The following COL22A1 variants were observed in gnomAD, a reference collection of about 807,000 sequenced individuals.
COL22A1 encodes collagen type XXII alpha 1 chain.
COL22A1 carries 221 observed loss-of-function variants against 248.9 expected under a neutral mutation model. The observed-to-expected ratio is 0.89, with a 90% CI of 0.80 to 0.99. COL22A1 has a LOEUF of 0.99. Among genes scored for constraint, COL22A1 ranks in the 50% least tolerant of loss-of-function variants. The pLI is 0.00. For missense variants in COL22A1, 2,240 were observed against 2,179.0 expected (o/e 1.03, Z -0.56); for synonymous variants, 891 against 793.4 (o/e 1.12, Z -2.07).
intron 15 of COL22A1, chr8:138,778,073 T>C (rs1457551654): frequency 2.0e-6 from 1 of 510,312 alleles, no homozygotes; most frequent in Non-Finnish European, 3.5e-6. Context: ...AAAAATCCTG[T>C]GGTGCTGGTT....
chr8:138,631,668 C>A (rs550358443), intron 49 of COL22A1, among the ~76,000 whole-genome samples: 3 of 138,124 alleles, frequency 2.2e-5, no homozygotes, highest in Admixed American at 7.5e-5. Context: ...GTTTCTTCCC[C>A]CTACATTCTA....
chr8:138,808,192 G>T (rs145106421), intron 9 of COL22A1, among the ~76,000 whole-genome samples: 1 of 152,314 alleles, frequency 6.6e-6, no homozygotes, highest in Non-Finnish European at 1.5e-5. Flanking sequence ...CACACACGTT[G>T]TCAAAGACTA....
rs556097028 is a variant in COL22A1, at chr8:138,694,549, G to C, written c.2659C>G (p.Arg887Gly). The part of the protein sequence containing the change: ...GLPGEPGLQG[R>G]PGELGPQGPT... ...CCCTGAGGCCCCAATTCTCCAGGACGGCCCTGCAGTCCCTGTAAGCACACA... is the reference window on the plus strand; with the variant it reads ...CCCTGAGGCCCCAATTCTCCAGGACCGCCCTGCAGTCCCTGTAAGCACACA... The change falls in exon 34 of 65, where the codon CGT (arginine) becomes GGT (glycine). Residue 887 changes from arginine to glycine, a missense_variant. Transcript: ENST00000303045. 1.2e-6 allele frequency: 2 copies of C among 1,614,064 alleles called. No individual in the cohort carries two copies. The highest frequency in any genetic ancestry group is 1.7e-6 in the Non-Finnish European group (2 of 1,179,954).
chr8:138,850,057 C>A (rs148464285), intron 3 of COL22A1, among the ~76,000 whole-genome samples: 60 of 152,328 alleles, frequency 3.9e-4, no homozygotes, highest in Non-Finnish European at 7.6e-4. Flanking sequence ...TTGTTATTAA[C>A]CACATCTCAG....
At chr8:138,833,989 TCA>T (rs915730483) in intron 4 of COL22A1, among the ~76,000 whole-genome samples, 64 of 152,206 alleles carry the variant, frequency 4.2e-4, no homozygotes, top group African/African-American at 1.3e-3. Context: ...GGTGAGAAAT[TCA>T]CAGAGTGGGT....
chr8:138,669,699 C>T (rs757697275), intron 41 of COL22A1, among the ~76,000 whole-genome samples: 5 of 152,204 alleles, frequency 3.3e-5, no homozygotes, highest in Non-Finnish European at 7.4e-5. Flanking sequence ...ACTGGACTGC[C>T]GGGAAGACCA....
chr8:138,601,521 C>T (rs1818008699), intron 60 of COL22A1, among the ~76,000 whole-genome samples: 1 of 152,154 alleles, frequency 6.6e-6, no homozygotes, highest in South Asian at 2.1e-4. Context: ...TGTGGGCAAA[C>T]GAGACGCATA....
At chr8:138,811,633 G>C (rs961762069) in intron 9 of COL22A1, among the ~76,000 whole-genome samples, 166 bp downstream of exon 9, 6 of 152,230 alleles carry the variant, frequency 3.9e-5, no homozygotes, top group Non-Finnish European at 8.8e-5. Context: ...TCCCCTTCCA[G>C]TGTGCACAAG....
chr8:138,858,240 T>C (rs376815116), intron 3 of COL22A1, among the ~76,000 whole-genome samples: 1 of 152,192 alleles, frequency 6.6e-6, no homozygotes, highest in African/African-American at 2.4e-5. Context: ...GTATCTGCTC[T>C]TCAGGGTTCT....
chr8:138,715,460 T>C (rs1199886027), intron 30 of COL22A1, among the ~76,000 whole-genome samples: 11 of 151,122 alleles, frequency 7.3e-5, no homozygotes, highest in Non-Finnish European at 1.5e-4. Context: ...TCCCAGCTAC[T>C]TGAGAAGCTG....
intron 4 of COL22A1, among the ~76,000 whole-genome samples, chr8:138,843,530 C>T (rs1376347359): frequency 6.6e-6 from 1 of 152,164 alleles, no homozygotes; most frequent in Non-Finnish European, 1.5e-5. Flanking sequence ...AGGACTGGAT[C>T]CATGTTCGGG....
intron 16 of COL22A1, among the ~76,000 whole-genome samples, chr8:138,763,095 G>T (rs1055147063): frequency 6.6e-6 from 1 of 152,044 alleles, no homozygotes; most frequent in African/African-American, 2.4e-5. Flanking sequence ...CCAAAAAAAA[G>T]AAAACAAAAG....
intron 49 of COL22A1, among the ~76,000 whole-genome samples, chr8:138,633,642 C>T (rs1436173269): frequency 1.3e-5 from 2 of 152,122 alleles, no homozygotes; most frequent in African/African-American, 4.8e-5. Context: ...AATTAGTTAC[C>T]TCTCAATTGC....
intron 37 of COL22A1, among the ~76,000 whole-genome samples, chr8:138,685,903 G>A (rs962429723): frequency 2.6e-5 from 4 of 152,156 alleles, no homozygotes; most frequent in South Asian, 2.1e-4. Context: ...AGGAAAGGAC[G>A]TTAGTGACGA....
rs556090343 is a variant in COL22A1 at position 138,605,908 on chromosome 8, C to T, written c.4104+473G>A. Among the ~76,000 whole-genome samples the T allele has an allele frequency of 3.9e-5, 6 of 152,282 alleles. No homozygotes were observed. The South Asian group carries it at 6.2e-4, about 16-fold the overall frequency. ...AAATCACTTACATGTTCTGACCCTACGGCTCAAACTTGCTCACCTTTACTA... is the reference window on the plus strand; with the variant it reads ...AAATCACTTACATGTTCTGACCCTATGGCTCAAACTTGCTCACCTTTACTA... On this transcript the variant is annotated intron_variant, in intron 58 of 64. Coordinates refer to ENST00000303045, the MANE Select transcript of COL22A1 (RefSeq NM_152888.3).
In COL22A1 at chr8:138,617,788, G is replaced by A. The variant is rs145930172; in HGVS notation, c.3826-830C>T. 2.9e-3 allele frequency among the ~76,000 whole-genome samples: 436 copies of A among 152,254 alleles called. 2 individuals are homozygous for A. The highest frequency in any genetic ancestry group is 4.3e-3 in the Non-Finnish European group (294 of 68,016). On this transcript the variant is annotated intron_variant, in intron 53 of 64. Transcript: ENST00000303045. Reference sequence around the variant, plus strand: ...TCCCATTTTGCAGCTGTGGGATCTTGGAAGCTCTACTTCTCTTCTCTGGAA... The same window carrying A: ...TCCCATTTTGCAGCTGTGGGATCTTAGAAGCTCTACTTCTCTTCTCTGGAA...
intron 17 of COL22A1, 109 bp from the exon 18 acceptor site, chr8:138,760,396 C>T (rs1586672864): frequency 3.0e-6 from 3 of 1,007,758 alleles, no homozygotes; most frequent in Non-Finnish European, 4.3e-6. Flanking sequence ...CTAGACTTTT[C>T]TTCAGAAGCC....
At chr8:138,837,757 G>C (rs1055807355) in intron 4 of COL22A1, among the ~76,000 whole-genome samples, 2 of 152,206 alleles carry the variant, frequency 1.3e-5, no homozygotes, top group African/African-American at 2.4e-5. Flanking sequence ...CGGTTCCAGG[G>C]TTCCATGAAA....
chr8:138,610,782 A>G (rs953428612), intron 56 of COL22A1, among the ~76,000 whole-genome samples: 4 of 152,192 alleles, frequency 2.6e-5, no homozygotes, highest in Non-Finnish European at 4.4e-5. Context: ...GCCACTTTCC[A>G]GCCAACCATG....
Sources: gnomAD v4.1 joint callset for allele counts (sites outside exome capture counted in the v4.1 genomes callset) on GRCh38, gnomAD v4.1.1 for gene constraint, MANE v1.5 for transcripts, NCBI Gene and HGNC (gene_info 2026-07-23, HGNC 2026-07-21) for gene names.